PAQR5: variants seen among roughly 807,000 people sequenced by gnomAD.
The protein encoded by PAQR5 is progestin and adipoQ receptor family member 5, also known as membrane progestin receptor gamma.
Under a neutral mutation model 34.5 loss-of-function variants are expected in PAQR5, and 20 were observed. The ratio of observed to expected loss-of-function variants is 0.58; its 90% CI spans 0.41 to 0.84. PAQR5 has a LOEUF of 0.84. Among genes scored for constraint, PAQR5 ranks in the 40% least tolerant of loss-of-function variants. The probability of loss-of-function intolerance (pLI) is 0.00; values close to 1 mark genes in which losing one functional copy is unlikely to be tolerated. For missense variants in PAQR5, 378 were observed against 412.7 expected, an observed-to-expected ratio of 0.92 and a Z score of 0.73; for synonymous variants, 131 against 155.6, an observed-to-expected ratio of 0.84 and a Z score of 1.18.
At position 69,403,736 on chromosome 15, in the gene PAQR5, A is replaced by G; in HGVS notation, c.907A>G (p.Ile303Val). Residue 303 changes from isoleucine to valine, a missense_variant, in exon 9 of 9, where the codon ATC becomes GTC. Ile to Val is a conservative substitution (Grantham distance 29, BLOSUM62 3). Transcript: ENST00000395407. ...GATAGCTGGAGCCATACTTCTGTGC[A>G]TCATCTTCAGCCTCAGCAACATAAT... ...SQIAGAILLCIIFSLSNIIYF... is the reference protein window; with the variant it reads ...SQIAGAILLCVIFSLSNIIYF... 6.2e-7 allele frequency: 1 copy of G among 1,614,164 alleles called. No individual in the cohort carries two copies. The highest frequency in any genetic ancestry group is 8.5e-7 in the Non-Finnish European group (1 of 1,180,004).
In PAQR5 at chr15:69,307,840, C is replaced by T. The variant is rs187309654; in HGVS notation, c.-277+8784C>T. ...GGAGCAAGTCTGAAGGGTGCTGTGCCGCACAAGGGTGCCCAGGATTCTGGT... is the reference window on the plus strand; with the variant it reads ...GGAGCAAGTCTGAAGGGTGCTGTGCTGCACAAGGGTGCCCAGGATTCTGGT... On this transcript the variant is annotated intron_variant, in intron 1 of 8. Coordinates refer to ENST00000395407, the MANE Select transcript of PAQR5 (RefSeq NM_017705.4). Among the ~76,000 whole-genome samples, 17 of 152,190 alleles carry T rather than the reference C, an allele frequency of 1.1e-4. No individual in the cohort carries two copies. In the East Asian group the frequency reaches 2.1e-3, roughly 19 times the overall value.
intron 1 of PAQR5, among the ~76,000 whole-genome samples, chr15:69,329,025 G>A (rs1316959140): frequency 1.3e-5 from 2 of 152,258 alleles, no homozygotes; most frequent in East Asian, 3.8e-4. Context: ...TTGGAGCCAC[G>A]CCAACAAATC....
intron 7 of PAQR5, 62 bp downstream of exon 7, chr15:69,397,626 T>A (rs2056485551): frequency 3.5e-6 from 4 of 1,137,808 alleles, no homozygotes; most frequent in Middle Eastern, 2.0e-4. Context: ...GTTGTTTTCC[T>A]GAGCTTCTGG....
At chr15:69,394,125 T>G (rs1374916572) in intron 6 of PAQR5, among the ~76,000 whole-genome samples, 2 of 151,888 alleles carry the variant, frequency 1.3e-5, no homozygotes, top group East Asian at 1.9e-4. Flanking sequence ...TTTTGTTTTT[T>G]TTTTTTCAAA....
chr15:69,312,184 G>A (rs2053847894), intron 1 of PAQR5, among the ~76,000 whole-genome samples: 1 of 152,152 alleles, frequency 6.6e-6, no homozygotes, highest in African/African-American at 2.4e-5. Flanking sequence ...AATCTGCAAT[G>A]AGGAGGTTAA....
intron 4 of PAQR5, among the ~76,000 whole-genome samples, chr15:69,382,522 G>A (rs942140851): frequency 6.6e-6 from 1 of 151,136 alleles, no homozygotes; most frequent in African/African-American, 2.4e-5. Context: ...GAGGGTGCCT[G>A]TAGTCCCAGC....
chr15:69,384,879 C>T lies in PAQR5; in HGVS notation c.382C>T (p.Leu128=), dbSNP rs372312965. The change falls in exon 5 of 9, where the codon CTG becomes TTG. Residue 128 remains leucine (L), a synonymous_variant. Transcript: ENST00000395407. The part of the protein sequence containing the change: ...LDYGAVNLFS[L]GSAIAYSAYT... ...CTATGGTGCCGTCAACCTCTTCAGC[C>T]TGGGTATGTGAGGCCTTGTTCTTGC... 5.0e-6 allele frequency: 8 copies of T among 1,612,988 alleles called. No individual in the cohort carries two copies. In the African/African-American group the frequency reaches 8.0e-5, roughly 16 times the overall value.
At chr15:69,307,292 G>C (rs1665947629) in intron 1 of PAQR5, among the ~76,000 whole-genome samples, 1 of 152,170 alleles carries the variant, frequency 6.6e-6, no homozygotes. Context: ...GCAAATATCT[G>C]TTTGTGTCCC....
intron 3 of PAQR5, among the ~76,000 whole-genome samples, chr15:69,368,935 T>C (rs923278694): frequency 1.3e-5 from 2 of 152,012 alleles, no homozygotes; most frequent in African/African-American, 4.8e-5. Context: ...CCAGCTAATT[T>C]TTTAAAAAAA....
chr15:69,379,570 G>A, intron 3 of PAQR5: 2 of 985,422 alleles, frequency 2.0e-6, no homozygotes, highest in South Asian at 9.4e-5. Context: ...CAGGCAGAGG[G>A]GTGAGAAAAC....
chr15:69,386,081 C>T (rs1056489519), intron 5 of PAQR5, among the ~76,000 whole-genome samples: 3 of 151,596 alleles, frequency 2.0e-5, no homozygotes, highest in African/African-American at 7.3e-5. Context: ...CCTCCACACA[C>T]ACTCACATCC....
chr15:69,344,436 A>C (rs1199152730), intron 2 of PAQR5, among the ~76,000 whole-genome samples: 1 of 152,210 alleles, frequency 6.6e-6, no homozygotes, highest in East Asian at 1.9e-4. Context: ...GTTGATTAAA[A>C]ATAACCTCAA....
intron 1 of PAQR5, among the ~76,000 whole-genome samples, chr15:69,331,522 A>T (rs760889753): frequency 6.6e-6 from 1 of 152,020 alleles, no homozygotes; most frequent in Non-Finnish European, 1.5e-5. Flanking sequence ...GGATCTCAGG[A>T]GAGGTTGCTA....
intron 3 of PAQR5, among the ~76,000 whole-genome samples, chr15:69,363,996 C>T (rs1310014763): frequency 1.3e-5 from 2 of 152,152 alleles, no homozygotes; most frequent in Admixed American, 6.6e-5. Context: ...AAAGCAACGC[C>T]GTTTCCAGAC....
rs778073773 is a variant in PAQR5 at position 69,379,957 on chromosome 15, T to C, written c.126T>C (p.Leu42=). Residue 42 remains leucine, a synonymous_variant, in exon 4 of 9, where the codon CTT becomes CTC. Transcript: ENST00000395407. ...QSSATACILS[L]FQMTNETLNI... ...CTGCCACTGCCTGCATCCTCAGCCTTTTCCAAATGACCAATGAGACTCTCA... is the reference window on the plus strand; with the variant it reads ...CTGCCACTGCCTGCATCCTCAGCCTCTTCCAAATGACCAATGAGACTCTCA... The C allele has an allele frequency of 3.7e-6, 6 of 1,614,208 alleles. No homozygotes were observed. The Admixed American group carries it at 5.0e-5, about 13-fold the overall frequency.
At chr15:69,403,517 T>C (rs770890851) in intron 8 of PAQR5, 64 bp from the exon 9 acceptor site, 95 of 1,503,886 alleles carry the variant, frequency 6.3e-5, no homozygotes, top group Non-Finnish European at 8.2e-5. Flanking sequence ...ATGAATGCCA[T>C]AGCATGTATC....
intron 1 of PAQR5, among the ~76,000 whole-genome samples, chr15:69,324,783 C>T (rs1372112442): frequency 6.6e-6 from 1 of 152,154 alleles, no homozygotes; most frequent in East Asian, 1.9e-4. Context: ...CAGATAGGTC[C>T]TCGAATGGCA....
chr15:69,371,131 A>G (rs571938342), intron 3 of PAQR5, among the ~76,000 whole-genome samples: 23 of 152,286 alleles, frequency 1.5e-4, no homozygotes, highest in African/African-American at 5.3e-4. Flanking sequence ...ACTATTCCTG[A>G]GTCATTGTAG....
chr15:69,327,128 G>A (rs2054272096), intron 1 of PAQR5, among the ~76,000 whole-genome samples: 1 of 151,798 alleles, frequency 6.6e-6, no homozygotes, highest in Admixed American at 6.6e-5. Context: ...GGGGCTACAG[G>A]CATGCACCAC....
Sources: allele counts gnomAD v4.1 joint callset (sites outside exome capture counted in the v4.1 genomes callset), GRCh38; gene constraint gnomAD v4.1.1; transcripts MANE v1.5; gene names NCBI Gene and HGNC (gene_info 2026-07-23, HGNC 2026-07-21).